Variants in NMT2 observed in about 807,000 individuals in gnomAD.
NMT2 encodes the protein glycylpeptide N-tetradecanoyltransferase 2.
NMT2 carries 35 observed loss-of-function variants against 65.4 expected under a neutral mutation model. The observed-to-expected ratio is 0.54, with a 90% CI of 0.41 to 0.71. NMT2 has a LOEUF of 0.71. Ranked by LOEUF, NMT2 falls within the 30% of genes least tolerant of loss-of-function variation. NMT2 has a pLI of 0.00. For missense variants in NMT2, 489 were observed against 611.3 expected (o/e 0.80, Z 2.11); for synonymous variants, 226 against 231.8 (o/e 0.98, Z 0.23).
intron 8 of NMT2, among the ~76,000 whole-genome samples, chr10:15,123,974 T>G (rs113507793): frequency 6.6e-6 from 1 of 152,196 alleles, no homozygotes; most frequent in African/African-American, 2.4e-5. Flanking sequence ...GCAATGATTA[T>G]GGTTATTTAT....
Position 15,107,287 on chromosome 10 carries a change from A to G in NMT2, c.*1908T>C. 6 of 913,594 alleles carry G rather than the reference A, an allele frequency of 6.6e-6. No homozygotes were observed. The highest frequency in any genetic ancestry group is 7.8e-6 in the Non-Finnish European group (6 of 764,468). 56.6% of individuals were successfully genotyped at this position (913,594 alleles called of 1,614,324 possible). A position where few individuals can be genotyped will look rare whatever the true frequency, so the allele number is the denominator to read the frequency against. ...GCCTGTGGGCTACACAAAAATAAGC[A>G]ATGGGCTGGATTTAGCCCACAGGCC... On this transcript the variant is annotated 3_prime_UTR_variant, in exon 12 of 12. Transcript: ENST00000378165.
intron 1 of NMT2, among the ~76,000 whole-genome samples, chr10:15,165,969 A>C (rs773532074): frequency 3.5e-4 from 54 of 152,174 alleles, no homozygotes; most frequent in Admixed American, 7.2e-4. Flanking sequence ...ATTGCTTTTA[A>C]TTAAACATAA....
chr10:15,167,670 G>A (rs1564597974), intron 1 of NMT2, among the ~76,000 whole-genome samples: 1 of 152,136 alleles, frequency 6.6e-6, no homozygotes, highest in African/African-American at 2.4e-5. Flanking sequence ...CATCAACACC[G>A]GCCTTCACCT....
chr10:15,161,523 TG>T (rs1210949758), intron 1 of NMT2, among the ~76,000 whole-genome samples: 3 of 152,008 alleles, frequency 2.0e-5, no homozygotes, highest in African/African-American at 4.8e-5. Context: ...ACCTGGCTAA[TG>T]TTTTTTTGTA....
At position 15,108,247 on chromosome 10, in the gene NMT2, G is replaced by C. The variant is rs1168243490; in HGVS notation, c.*948C>G. On this transcript the variant is annotated 3_prime_UTR_variant, in exon 12 of 12. Transcript: ENST00000378165. ...CTGTCACCCAGGCTGGAGTGCAGTG[G>C]CTCGATCTCGGCTCACTGCAACCTC... 81 of 916,278 alleles carry C rather than the reference G, an allele frequency of 8.8e-5. No individual in the cohort carries two copies. The highest frequency in any genetic ancestry group is 1.0e-4 in the Non-Finnish European group (79 of 767,784). The allele number at this position is 916,278 out of a possible 1,614,324, so 56.8% of individuals were successfully genotyped here.
Position 15,109,168 on chromosome 10 carries a change from C to T in NMT2, c.*27G>A, listed in dbSNP as rs1209748832. The T allele has an allele frequency of 6.2e-7, 1 of 1,601,336 alleles. No individual in the cohort carries two copies. The highest frequency in any genetic ancestry group is 8.5e-7 in the Non-Finnish European group (1 of 1,176,156). On this transcript the variant is annotated 3_prime_UTR_variant, in exon 12 of 12. Transcript: ENST00000378165. ...ATTAAATATTAACAAATGATGATGTCAGAGTTCTAGAAATAAAAATATCCA... is the reference window on the plus strand; with the variant it reads ...ATTAAATATTAACAAATGATGATGTTAGAGTTCTAGAAATAAAAATATCCA...
intron 8 of NMT2, among the ~76,000 whole-genome samples, chr10:15,120,351 G>A (rs185969470): frequency 7.2e-5 from 11 of 152,244 alleles, no homozygotes; most frequent in Middle Eastern, 3.4e-3. Context: ...CCAGCTACTC[G>A]GGAGGCTGAG....
intron 2 of NMT2, among the ~76,000 whole-genome samples, chr10:15,140,387 G>A (rs1307842877): frequency 6.6e-6 from 1 of 152,200 alleles, no homozygotes; most frequent in African/African-American, 2.4e-5. Context: ...GCCTCCCAAA[G>A]TGCTGGGACT....
intron 1 of NMT2, among the ~76,000 whole-genome samples, chr10:15,143,561 T>G (rs770578933): frequency 1.7e-4 from 26 of 152,204 alleles, no homozygotes; most frequent in Admixed American, 9.2e-4. Context: ...TGAGTGTCAG[T>G]TAGTAATTTG....
Position 15,152,067 on chromosome 10 carries a change from C to T in NMT2, c.111-10510G>A, listed in dbSNP as rs74368197. On this transcript the variant is annotated intron_variant, in intron 1 of 11. Transcript: ENST00000378165. ...CAAAACAGAAGTTGTAATACTCAAA[C>T]GTAGAAATGAGATAGCTTGATCCAA... Among the ~76,000 whole-genome samples the T allele has an allele frequency of 4.2e-4, 64 of 152,220 alleles. 1 individual carries two copies. The highest frequency in any genetic ancestry group is 3.5e-3 in the South Asian group (17 of 4,818).
At chr10:15,140,413 C>G (rs569908272) in intron 2 of NMT2, among the ~76,000 whole-genome samples, 1 of 152,194 alleles carries the variant, frequency 6.6e-6, no homozygotes, top group Admixed American at 6.5e-5. Flanking sequence ...CATGAGCCAT[C>G]GTGCCCAGCC....
intron 2 of NMT2, among the ~76,000 whole-genome samples, chr10:15,140,700 TG>T (rs1414682658): frequency 6.6e-6 from 1 of 152,112 alleles, no homozygotes; most frequent in Non-Finnish European, 1.5e-5. Flanking sequence ...CCCTTTTCAC[TG>T]TGAGTTTCTT....
At position 15,106,117 on chromosome 10, in the gene NMT2, C is replaced by A; in HGVS notation, c.*3078G>T. The A allele has an allele frequency of 3.5e-6, 1 of 287,884 alleles. No individual in the cohort carries two copies. Among genetic ancestry groups the A allele is most frequent in the Non-Finnish European group, 6.9e-6 (1 of 144,812 alleles). 17.8% of individuals were successfully genotyped at this position (287,884 alleles called of 1,614,324 possible). On this transcript the variant is annotated 3_prime_UTR_variant, in exon 12 of 12. Coordinates refer to ENST00000378165, the MANE Select transcript of NMT2 (RefSeq NM_004808.3). The stretch of plus-strand genomic sequence containing the variant: ...CAAGCGATTCTCCTGCCTCAGCCTC[C>A]TGAATAGCTGGGATTACAGGTGCAC...
intron 8 of NMT2, among the ~76,000 whole-genome samples, chr10:15,125,452 A>G (rs564742973): frequency 1.3e-5 from 2 of 152,288 alleles, no homozygotes; most frequent in African/African-American, 4.8e-5. Flanking sequence ...TTGTGAGTAA[A>G]CCAATGGTAT....
intron 9 of NMT2, among the ~76,000 whole-genome samples, chr10:15,114,751 T>G (rs1845690285): frequency 6.6e-6 from 1 of 152,116 alleles, no homozygotes; most frequent in Non-Finnish European, 1.5e-5. Context: ...GCCTGTAATC[T>G]CAGCACTTGG....
At chr10:15,131,322 T>A (rs1423006360) in intron 6 of NMT2, among the ~76,000 whole-genome samples, 1 of 151,672 alleles carries the variant, frequency 6.6e-6, no homozygotes. Context: ...CTTTTTTTTT[T>A]TTTTCCTTTT....
Position 15,107,911 on chromosome 10 carries a change from A to G in NMT2, c.*1284T>C. 1 of 985,624 alleles carries G rather than the reference A, an allele frequency of 1.0e-6. No individual in the cohort carries two copies. Among genetic ancestry groups the G allele is most frequent in the African/African-American group, 1.7e-5 (1 of 57,374 alleles). 61.1% of individuals were successfully genotyped at this position (985,624 alleles called of 1,614,324 possible). On this transcript the variant is annotated 3_prime_UTR_variant, in exon 12 of 12. Transcript: ENST00000378165. ...TAAAAACACCATCAGTAACAAAATT[A>G]TGAATACTTATTTACAAATAAGACA...
intron 2 of NMT2, chr10:15,138,488 C>T (rs767103177): frequency 3.4e-5 from 16 of 470,868 alleles, no homozygotes; most frequent in African/African-American, 1.4e-4. Flanking sequence ...AATATCTACC[C>T]GACATTAACT....
At chr10:15,151,243 G>A (rs184254377) in intron 1 of NMT2, among the ~76,000 whole-genome samples, 42 of 152,204 alleles carry the variant, frequency 2.8e-4, no homozygotes, top group Admixed American at 1.7e-3. Context: ...TTTTAGTAGA[G>A]ACGGGGTTTC....
Sources: gnomAD v4.1 joint callset for allele counts (sites outside exome capture counted in the v4.1 genomes callset) on GRCh38, gnomAD v4.1.1 for gene constraint, MANE v1.5 for transcripts, NCBI Gene and HGNC (gene_info 2026-07-23, HGNC 2026-07-21) for gene names.